RALYL: variants seen among roughly 807,000 people sequenced by gnomAD.
The protein encoded by RALYL is RALY RNA binding protein like.
A neutral mutation model predicts 35.1 loss-of-function variants in RALYL; 29 were observed. The observed-to-expected ratio is 0.83, with a 90% CI of 0.61 to 1.13. The LOEUF (loss-of-function observed/expected upper bound fraction) is 1.13, where lower values mean the gene tolerates loss of function less well. Among genes scored for constraint, RALYL ranks in the 50% most tolerant of loss-of-function variants. The probability of loss-of-function intolerance (pLI) is 0.00; values close to 1 mark genes in which losing one functional copy is unlikely to be tolerated. For synonymous variants in RALYL, 120 were observed against 127.6 expected, an observed-to-expected ratio of 0.94 and a Z score of 0.40; for missense variants, 359 against 360.4, an observed-to-expected ratio of 1.00 and a Z score of 0.03.
At chr8:84,752,545 ATTTCAGAGAGCT>A (rs998180983) in intron 2 of RALYL, among the ~76,000 whole-genome samples, 1 of 152,152 alleles carries the variant, frequency 6.6e-6, no homozygotes, top group Non-Finnish European at 1.5e-5. Flanking sequence ...CCTCAAAGCC[ATTTCAGAGAGCT>A]TTGCAGCAGT....
Position 84,415,716 on chromosome 8 carries a change from A to T in RALYL, c.-23-113583A>T, listed in dbSNP as rs1050542066. Among the ~76,000 whole-genome samples the T allele has an allele frequency of 5.3e-5, 8 of 152,242 alleles. No individual in the cohort carries two copies. In the East Asian group the frequency reaches 1.5e-3, roughly 29 times the overall value. On this transcript the variant is annotated intron_variant, in intron 1 of 8. Coordinates refer to ENST00000521268, the MANE Select transcript of RALYL (RefSeq NM_173848.7). ...TTTCTGGTATATGTAACAAAAAAGT[A>T]ACAAAAGCAAATTGCTGAATTGCCG...
At chr8:84,402,646 G>T (rs2043028970) in intron 1 of RALYL, among the ~76,000 whole-genome samples, 1 of 152,058 alleles carries the variant, frequency 6.6e-6, no homozygotes, top group Non-Finnish European at 1.5e-5. Flanking sequence ...CTTGACTCCT[G>T]CCATATGTCA....
chr8:84,471,841 A>C (rs1357168035), intron 1 of RALYL, among the ~76,000 whole-genome samples: 1 of 152,210 alleles, frequency 6.6e-6, no homozygotes, highest in African/African-American at 2.4e-5. Context: ...TAATATTGCT[A>C]AAGTTCTTAG....
intron 4 of RALYL, among the ~76,000 whole-genome samples, chr8:84,814,145 C>T (rs1826593824): frequency 6.6e-6 from 1 of 152,136 alleles, no homozygotes; most frequent in Non-Finnish European, 1.5e-5. Flanking sequence ...AAACATTTAG[C>T]ACACTTTTTG....
intron 2 of RALYL, among the ~76,000 whole-genome samples, chr8:84,555,095 A>G (rs962225640): frequency 1.3e-5 from 2 of 152,176 alleles, no homozygotes; most frequent in Admixed American, 6.5e-5. Context: ...CCTGACCAAC[A>G]TGGTGAAACC....
chr8:84,588,256 T>A lies in RALYL; in HGVS notation c.256+58679T>A, dbSNP rs1812433104. Reference sequence around the variant, plus strand: ...ATGGACATCTGATTCCCCTGTCACCTTTTTGCCAAGCTGTGAGCTGTTATG... The same window carrying A: ...ATGGACATCTGATTCCCCTGTCACCATTTTGCCAAGCTGTGAGCTGTTATG... On this transcript the variant is annotated intron_variant, in intron 2 of 8. Coordinates refer to ENST00000521268, the MANE Select transcript of RALYL (RefSeq NM_173848.7). 2.6e-5 allele frequency among the ~76,000 whole-genome samples: 4 copies of A among 152,170 alleles called. No homozygotes were observed. In the South Asian group the frequency reaches 8.3e-4, roughly 32 times the overall value.
intron 2 of RALYL, among the ~76,000 whole-genome samples, chr8:84,772,042 T>C (rs1007217211): frequency 6.6e-6 from 1 of 152,074 alleles, no homozygotes; most frequent in African/African-American, 2.4e-5. Flanking sequence ...TGTAGGTAGA[T>C]GTTCAATTTC....
chr8:84,384,877 A>T (rs1858843793), intron 1 of RALYL, among the ~76,000 whole-genome samples: 1 of 151,768 alleles, frequency 6.6e-6, no homozygotes, highest in Admixed American at 6.6e-5. Flanking sequence ...TGACATGTTA[A>T]AGAGAGTTCT....
intron 1 of RALYL, among the ~76,000 whole-genome samples, chr8:84,415,293 G>A (rs1460751646): frequency 6.7e-6 from 1 of 150,302 alleles, no homozygotes; most frequent in African/African-American, 2.5e-5. Flanking sequence ...GGAGTGCAAC[G>A]GTGCAATCTC....
chr8:84,198,955 A>G (rs1816140520), intron 1 of RALYL, among the ~76,000 whole-genome samples: 1 of 152,196 alleles, frequency 6.6e-6, no homozygotes, highest in Non-Finnish European at 1.5e-5. Context: ...GCTGCAACAT[A>G]GGAGTGCAGC....
intron 4 of RALYL, among the ~76,000 whole-genome samples, chr8:84,815,393 G>C (rs1563666476): frequency 6.9e-6 from 1 of 145,892 alleles, no homozygotes; most frequent in Non-Finnish European, 1.5e-5. Flanking sequence ...ACTATTATAA[G>C]TATTTATATA....
At chr8:84,608,529 C>T (rs1817639938) in intron 2 of RALYL, among the ~76,000 whole-genome samples, 1 of 152,124 alleles carries the variant, frequency 6.6e-6, no homozygotes, top group Non-Finnish European at 1.5e-5. Context: ...TAATCCTGAG[C>T]TTTGCTCCTG....
At chr8:84,782,708 G>T (rs1464932025) in intron 3 of RALYL, among the ~76,000 whole-genome samples, 2 of 152,182 alleles carry the variant, frequency 1.3e-5, no homozygotes, top group African/African-American at 4.8e-5. Flanking sequence ...CAACAACAGC[G>T]CTAGTCCCTA....
chr8:84,604,449 A>G (rs1564218962), intron 2 of RALYL, among the ~76,000 whole-genome samples: 1 of 152,156 alleles, frequency 6.6e-6, no homozygotes, highest in East Asian at 1.9e-4. Context: ...CTGATGTGAA[A>G]TGTACTGACA....
intron 4 of RALYL, among the ~76,000 whole-genome samples, chr8:84,830,152 T>C (rs1342824385): frequency 6.6e-6 from 1 of 152,100 alleles, no homozygotes; most frequent in Non-Finnish European, 1.5e-5. Flanking sequence ...TGTCACCTCA[T>C]TGGACCTCAT....
Position 84,574,008 on chromosome 8 carries a change from C to T in RALYL, c.256+44431C>T, listed in dbSNP as rs537995349. On this transcript the variant is annotated intron_variant, in intron 2 of 8. Coordinates refer to ENST00000521268, the MANE Select transcript of RALYL (RefSeq NM_173848.7). Reference sequence around the variant, plus strand: ...TTCTATTTATTACAAATTTTAGATTCTTCCACATGTCTGTTAAGCTTTAAT... The same window carrying T: ...TTCTATTTATTACAAATTTTAGATTTTTCCACATGTCTGTTAAGCTTTAAT... Among the ~76,000 whole-genome samples the T allele has an allele frequency of 4.6e-5, 7 of 151,868 alleles. No individual in the cohort carries two copies. The South Asian group carries it at 1.5e-3, about 31-fold the overall frequency.
At chr8:84,714,016 A>G (rs113109045) in intron 2 of RALYL, among the ~76,000 whole-genome samples, 3,382 of 151,480 alleles carry the variant, frequency 0.022, 120 homozygotes, top group African/African-American at 0.076. Flanking sequence ...TAGATACAAC[A>G]CACACACACA....
At chr8:84,266,467 G>A (rs558848112) in intron 1 of RALYL, among the ~76,000 whole-genome samples, 1 of 152,086 alleles carries the variant, frequency 6.6e-6, no homozygotes, top group African/African-American at 2.4e-5. Context: ...ATAGTATTTC[G>A]ATTTTTCCAA....
rs142361462 is a variant in RALYL at position 84,314,641 on chromosome 8, A to T, written c.-24+130217A>T. 2.8e-3 allele frequency among the ~76,000 whole-genome samples: 419 copies of T among 152,246 alleles called. 2 individuals carry two copies. The highest frequency in any genetic ancestry group is 9.4e-3 in the African/African-American group (392 of 41,552). On this transcript the variant is annotated intron_variant, in intron 1 of 8. Coordinates refer to ENST00000521268, the MANE Select transcript of RALYL (RefSeq NM_173848.7). ...TTCAGGAAGCTGAGGCAGGAGGATC[A>T]CCTGAGCCCTAGAGTTTGAGGCTAC...
Sources: allele counts gnomAD v4.1 joint callset (sites outside exome capture counted in the v4.1 genomes callset), GRCh38; gene constraint gnomAD v4.1.1; transcripts MANE v1.5; gene names NCBI Gene and HGNC (gene_info 2026-07-23, HGNC 2026-07-21).